The following NLRP12 variants were observed in gnomAD, a reference collection of about 807,000 sequenced individuals.
The protein encoded by NLRP12 is NACHT, LRR and PYD domains-containing protein 12.
NLRP12 carries 108 observed loss-of-function variants against 91.2 expected under a neutral mutation model. The observed-to-expected ratio is 1.18, with a 90% CI of 1.01 to 1.39. The LOEUF is 1.39. NLRP12 is among the 40% of genes most tolerant of loss of function. The probability of loss-of-function intolerance (pLI) is 0.00; values close to 1 mark genes in which losing one functional copy is unlikely to be tolerated. For synonymous variants in NLRP12, 613 were observed against 566.7 expected (o/e 1.08, Z -1.16); for missense variants, 1,530 against 1,352.7 (o/e 1.13, Z -2.06).
chr19:53,813,674 A>G (rs1398589377), intron 2 of NLRP12, among the ~76,000 whole-genome samples: 1 of 150,512 alleles, frequency 6.6e-6, no homozygotes, highest in Non-Finnish European at 1.5e-5. Context: ...GAATCATACA[A>G]TATTTGTACC....
chr19:53,801,157 C>G, intron 7 of NLRP12, 70 bp downstream of exon 7: 1 of 1,458,460 alleles, frequency 6.9e-7, no homozygotes, highest in South Asian at 1.1e-5. Context: ...ACCTGGCCTC[C>G]GTGGTCCCAG....
chr19:53,823,840 G>T, intron 1 of NLRP12, 46 bp downstream of exon 1: 1 of 1,609,160 alleles, frequency 6.2e-7, no homozygotes, highest in South Asian at 1.1e-5. Context: ...ATGAGTCACT[G>T]GACCCGGCTG....
At chr19:53,805,077 A>C (rs1327037405) in intron 5 of NLRP12, among the ~76,000 whole-genome samples, 3 of 152,148 alleles carry the variant, frequency 2.0e-5, no homozygotes, top group Non-Finnish European at 4.4e-5. Context: ...ACTCTTCATC[A>C]TGTAGAATTG....
chr19:53,796,096 T>A (rs1378672102), intron 8 of NLRP12, 67 bp from the exon 9 acceptor site: 1 of 1,442,158 alleles, frequency 6.9e-7, no homozygotes, highest in Non-Finnish European at 9.7e-7. Context: ...AGGCAGTGTC[T>A]CACCCTGTCT....
At chr19:53,818,698 T>C (rs2092200815) in intron 1 of NLRP12, among the ~76,000 whole-genome samples, 1 of 151,954 alleles carries the variant, frequency 6.6e-6, no homozygotes, top group Non-Finnish European at 1.5e-5. Context: ...AAAAAGGTAA[T>C]TCTTGAAAAT....
chr19:53,810,290 TG>T lies in NLRP12; in HGVS notation c.1368del (p.Asn457ThrfsTer30). ...GCCAAGGAGCACAACCCTCTCTGGT[TG>T]GGTGGGGGCTGGAGGCGCGGGGCCC... Reference protein sequence around the residue: ...KPGAPRLQPPPNQRGLCSLAA... With the variant: ...KPGAPRLQPPXNQRGLCSLAA... On this transcript the variant is annotated frameshift_variant, in exon 3 of 10. Transcript: ENST00000324134. LOFTEE classifies it high-confidence loss of function. 6.2e-7 allele frequency: 1 copy of T among 1,613,932 alleles called. No individual in the cohort carries two copies. Among genetic ancestry groups the T allele is most frequent in the Non-Finnish European group, 8.5e-7 (1 of 1,180,006 alleles).
intron 3 of NLRP12, 115 bp from the exon 4 acceptor site, chr19:53,807,780 C>T (rs574691412): frequency 7.1e-6 from 9 of 1,265,216 alleles, no homozygotes; most frequent in African/African-American, 1.5e-5. Context: ...GACGGAGTTT[C>T]GCTCTTGTTG....
At chr19:53,819,544 TATATATGTATGTATAC>T (rs2092226404) in intron 1 of NLRP12, among the ~76,000 whole-genome samples, 1 of 1,994 alleles carries the variant, frequency 5.0e-4, no homozygotes, top group Non-Finnish European at 2.3e-3. Context: ...TGTATACGTA[TATATATGTATGTATAC>T]GTATATATAT....
intron 1 of NLRP12, among the ~76,000 whole-genome samples, chr19:53,819,826 GGAAA>G (rs1258300482): frequency 6.7e-6 from 1 of 150,144 alleles, no homozygotes; most frequent in African/African-American, 2.4e-5. Flanking sequence ...TGGAGAAAAG[GGAAA>G]GAGAAAAAGA....
At chr19:53,819,248 TCTTTTCTTTTTTTGAGATGGAGTCTCG>T (rs1297945172) in intron 1 of NLRP12, among the ~76,000 whole-genome samples, 1 of 151,444 alleles carries the variant, frequency 6.6e-6, no homozygotes, top group Non-Finnish European at 1.5e-5. Flanking sequence ...CTTTTTTCTT[TCTTTTCTTTTTTTGAGATGGAGTCTCG>T]CTTTTGTCAT....
chr19:53,796,546 C>T (rs985496333), intron 8 of NLRP12, among the ~76,000 whole-genome samples: 39 of 151,980 alleles, frequency 2.6e-4, no homozygotes, highest in African/African-American at 8.4e-4. Context: ...TGTGCCCGGC[C>T]GTAATTTTTA....
chr19:53,814,208 T>G (rs1197288247), intron 2 of NLRP12, among the ~76,000 whole-genome samples: 1 of 152,062 alleles, frequency 6.6e-6, no homozygotes, highest in Non-Finnish European at 1.5e-5. Context: ...AGAGGATGAA[T>G]TATGGTTTTG....
At position 53,810,312 on chromosome 19, in the gene NLRP12, G is replaced by C. The variant is rs111234757; in HGVS notation, c.1347C>G (p.Ala449=). ...GGTTGGGTGGGGGCTGGAGGCGCGG[G>C]GCCCCCGGCTTGGGTTGCATCAGAC... ...LLSLMQPKPG[A]PRLQPPPNQR... Residue 449 remains alanine (A), a synonymous_variant, in exon 3 of 10, where the codon GCC becomes GCG. Coordinates refer to ENST00000324134, the MANE Select transcript of NLRP12 (RefSeq NM_144687.4). 7,365 of 1,613,762 alleles carry C rather than the reference G, an allele frequency of 4.6e-3. 175 individuals are homozygous for C. In the African/African-American group the frequency reaches 0.064, roughly 14 times the overall value.
In NLRP12 at chr19:53,824,030, C is replaced by T. The variant is rs1463728188; in HGVS notation, c.145G>A (p.Glu49Lys). The change falls in exon 1 of 10, where the codon GAG (glutamate) becomes AAG (lysine). Residue 49 changes from glutamate (E) to lysine (K), a missense_variant. By Grantham distance (56) the Glu-to-Lys change is moderately conservative. Transcript: ENST00000324134. ...GCCATTTCCAGGGGACCGGCCTTCT[C>T]CATGCTTCCCCAGGGGATCTTGCCT... ...GEGKIPWGSM[E>K]KAGPLEMAQL... 1.2e-6 allele frequency: 2 copies of T among 1,614,194 alleles called. No individual in the cohort carries two copies. The highest frequency in any genetic ancestry group is 1.1e-5 in the South Asian group (1 of 91,076).
In NLRP12 at chr19:53,807,653, G is replaced by C; in HGVS notation, c.2085C>G (p.Thr695=). The change falls in exon 4 of 10, where the codon ACC becomes ACG. Residue 695 remains threonine (T), a synonymous_variant. Coordinates refer to ENST00000324134, the MANE Select transcript of NLRP12 (RefSeq NM_144687.4). ...HTLLVQLPER[T]VLLDAYSEHL... ...GTTCACTGTAGGCGTCCAGCAGAAC[G>C]GTCCTCTCTGGTCTGCTTGAAGGAA... 1.9e-6 allele frequency: 3 copies of C among 1,614,110 alleles called. No homozygotes were observed. Among genetic ancestry groups the C allele is most frequent in the Non-Finnish European group, 2.5e-6 (3 of 1,180,008 alleles).
Position 53,810,829 on chromosome 19 carries a change from G to A in NLRP12, c.830C>T (p.Ala277Val), listed in dbSNP as rs1170408810. The part of the protein sequence containing the change: ...LIFSCWPEPS[A>V]PLQELIRVPE... ...AACTCGGATGAGCTCCTGGAGAGGC[G>A]CGCTGGGCTCAGGCCAGCAGCTGAA... Residue 277 changes from alanine to valine, a missense_variant, in exon 3 of 10, where the codon GCG becomes GTG. By Grantham distance (64) the Ala-to-Val change is moderately conservative. Coordinates refer to ENST00000324134, the MANE Select transcript of NLRP12 (RefSeq NM_144687.4). 17 of 1,613,982 alleles carry A rather than the reference G, an allele frequency of 1.1e-5. No individual in the cohort carries two copies. Among genetic ancestry groups the A allele is most frequent in the Middle Eastern group, 3.3e-4 (2 of 6,084 alleles).
At position 53,807,622 on chromosome 19, in the gene NLRP12, C is replaced by A; in HGVS notation, c.2116G>T (p.Ala706Ser). The change falls in exon 4 of 10, where the codon GCA (alanine) becomes TCA (serine). Residue 706 changes from alanine (A) to serine (S), a missense_variant. Ala to Ser is a moderately conservative substitution (Grantham distance 99). Transcript: ENST00000324134. Reference protein sequence around the residue: ...VLLDAYSEHLAAALCTNPNLI... With the variant: ...VLLDAYSEHLSAALCTNPNLI... Reference sequence around the variant, plus strand: ...TTTGGATTGGTGCACAGGGCCGCTGCCAGATGTTCACTGTAGGCGTCCAGC... The same window carrying A: ...TTTGGATTGGTGCACAGGGCCGCTGACAGATGTTCACTGTAGGCGTCCAGC... The A allele has an allele frequency of 6.2e-7, 1 of 1,614,146 alleles. No individual in the cohort carries two copies. The highest frequency in any genetic ancestry group is 8.5e-7 in the Non-Finnish European group (1 of 1,180,030).
At chr19:53,819,662 T>C (rs62143201) in intron 1 of NLRP12, among the ~76,000 whole-genome samples, 24,329 of 39,746 alleles carry the variant, frequency 0.61, 9,326 homozygotes, top group African/African-American at 0.65. Context: ...TATATACACA[T>C]GTATACATAT....
At chr19:53,797,803 A>G (rs1017743510) in intron 8 of NLRP12, among the ~76,000 whole-genome samples, 1 of 151,088 alleles carries the variant, frequency 6.6e-6, no homozygotes, top group Non-Finnish European at 1.5e-5. Context: ...CAATGGCATG[A>G]TCTCGGCTCA....
Sources: gnomAD v4.1 joint callset for allele counts (sites outside exome capture counted in the v4.1 genomes callset) on GRCh38, gnomAD v4.1.1 for gene constraint, MANE v1.5 for transcripts, NCBI Gene and HGNC (gene_info 2026-07-23, HGNC 2026-07-21) for gene names.